Variants in GULP1 observed in about 807,000 individuals in gnomAD.
GULP1 encodes the protein GULP PTB domain containing engulfment adaptor 1.
GULP1 carries 19 observed loss-of-function variants against 40.9 expected under a neutral mutation model. The observed-to-expected ratio is 0.46, with a 90% confidence interval of 0.32 to 0.68. GULP1 has a LOEUF of 0.68. GULP1 is among the 30% of genes least tolerant of loss of function. The pLI is 0.03. For synonymous variants in GULP1, 119 were observed against 117.6 expected (o/e 1.01, Z -0.08); for missense variants, 312 against 362.2 (o/e 0.86, Z 1.12).
chr2:188,346,965 G>C (rs1050178461), intron 1 of GULP1, among the ~76,000 whole-genome samples: 4 of 142,150 alleles, frequency 2.8e-5, no homozygotes, highest in African/African-American at 1.0e-4. Context: ...GAAAGACTCC[G>C]TCTCAAAAAA....
intron 4 of GULP1, among the ~76,000 whole-genome samples, chr2:188,520,831 A>G (rs1247262708): frequency 6.6e-6 from 1 of 152,174 alleles, no homozygotes; most frequent in East Asian, 1.9e-4. Flanking sequence ...ACCAAGGAAC[A>G]TGTATTTTTA....
intron 1 of GULP1, among the ~76,000 whole-genome samples, chr2:188,358,522 A>G (rs559620709): frequency 1.3e-5 from 2 of 152,318 alleles, no homozygotes; most frequent in African/African-American, 4.8e-5. Flanking sequence ...GTTGGTAAAC[A>G]TTTGAGGTGA....
chr2:188,363,712 G>GCAAAAA (rs1471059015), intron 1 of GULP1, among the ~76,000 whole-genome samples: 43 of 152,252 alleles, frequency 2.8e-4, no homozygotes, highest in African/African-American at 9.9e-4. Context: ...TTTTGCCATT[G>GCAAAAA]TACATAAGAT....
At chr2:188,493,136 T>C (rs1359566124) in intron 4 of GULP1, among the ~76,000 whole-genome samples, 1 of 152,108 alleles carries the variant, frequency 6.6e-6, no homozygotes, top group Non-Finnish European at 1.5e-5. Flanking sequence ...TTTATAAATT[T>C]CAGTTTTCCT....
intron 2 of GULP1, among the ~76,000 whole-genome samples, chr2:188,470,828 CAT>C (rs1446770350): frequency 6.6e-6 from 1 of 152,122 alleles, no homozygotes; most frequent in African/African-American, 2.4e-5. Context: ...TGTGATCTAA[CAT>C]ATGATCTATC....
At chr2:188,399,714 A>AAACAAAC (rs1553540229) in intron 2 of GULP1, among the ~76,000 whole-genome samples, 2 of 131,078 alleles carry the variant, frequency 1.5e-5, no homozygotes, top group Non-Finnish European at 3.1e-5. Flanking sequence ...AAAAAAAAAA[A>AAACAAAC]CATCAAACTG....
Position 188,373,186 on chromosome 2 carries a change from G to C in GULP1, c.-171-10577G>C, listed in dbSNP as rs1048302323. Among the ~76,000 whole-genome samples the C allele has an allele frequency of 3.9e-5, 6 of 151,902 alleles. No homozygotes were observed. In the South Asian group the frequency reaches 6.2e-4, roughly 16 times the overall value. The stretch of plus-strand genomic sequence containing the variant: ...ACTAAGCTCTAACAGAGGAAACATG[G>C]AGAAGAACATTCTAGAGAGGAATCA... On this transcript the variant is annotated intron_variant, in intron 1 of 11. Transcript: ENST00000409830.
intron 9 of GULP1, among the ~76,000 whole-genome samples, chr2:188,575,833 T>G (rs1425725207): frequency 6.6e-6 from 1 of 152,172 alleles, no homozygotes; most frequent in Non-Finnish European, 1.5e-5. Context: ...ATATGCAGCA[T>G]GGACTCTAAA....
At chr2:188,342,169 C>G (rs1414746551) in intron 1 of GULP1, among the ~76,000 whole-genome samples, 1 of 152,146 alleles carries the variant, frequency 6.6e-6, no homozygotes, top group Non-Finnish European at 1.5e-5. Flanking sequence ...CTGAAAGCAG[C>G]AGACATTTAT....
At chr2:188,343,557 A>G (rs1305110834) in intron 1 of GULP1, among the ~76,000 whole-genome samples, 1 of 152,158 alleles carries the variant, frequency 6.6e-6, no homozygotes, top group Non-Finnish European at 1.5e-5. Flanking sequence ...TACTTAAACT[A>G]TTTTATTTTA....
rs1318577552 is a variant in GULP1 at position 188,364,764 on chromosome 2, T to C, written c.-171-18999T>C. 4.0e-5 allele frequency among the ~76,000 whole-genome samples: 6 copies of C among 149,516 alleles called. 1 individual carries two copies. In the Admixed American group the frequency reaches 4.0e-4, roughly 10 times the overall value. On this transcript the variant is annotated intron_variant, in intron 1 of 11. Transcript: ENST00000409830. The stretch of plus-strand genomic sequence containing the variant: ...TATATATATGATACATATACATATA[T>C]ACATATATACATGATATATATACAT...
At chr2:188,337,387 AC>A (rs2042415774) in intron 1 of GULP1, among the ~76,000 whole-genome samples, 1 of 149,896 alleles carries the variant, frequency 6.7e-6, no homozygotes, top group Non-Finnish European at 1.5e-5. Context: ...TGATCCACCC[AC>A]CTTGGCCTCC....
intron 1 of GULP1, among the ~76,000 whole-genome samples, chr2:188,301,349 A>G (rs563467363): frequency 6.6e-6 from 1 of 152,250 alleles, no homozygotes; most frequent in African/African-American, 2.4e-5. Flanking sequence ...TGACAATGAC[A>G]TTGGGTTAAA....
chr2:188,420,459 G>A (rs2055241148), intron 2 of GULP1, among the ~76,000 whole-genome samples: 1 of 152,054 alleles, frequency 6.6e-6, no homozygotes, highest in Non-Finnish European at 1.5e-5. Context: ...GTAGTTTGGT[G>A]GGCAGGAGTG....
chr2:188,487,884 G>A (rs973448990), intron 4 of GULP1, among the ~76,000 whole-genome samples: 2 of 151,934 alleles, frequency 1.3e-5, no homozygotes, highest in East Asian at 3.9e-4. Flanking sequence ...GGTTTCTAGT[G>A]TGGCTTTCTC....
chr2:188,359,631 A>G (rs35325130), intron 1 of GULP1, among the ~76,000 whole-genome samples: 18,809 of 152,128 alleles, frequency 0.12, 1,337 homozygotes, highest in Middle Eastern at 0.17. Context: ...AGGTGGCTTT[A>G]TAGTTAGTTG....
At chr2:188,547,556 C>G (rs576797057) in intron 7 of GULP1, among the ~76,000 whole-genome samples, 3 of 152,170 alleles carry the variant, frequency 2.0e-5, no homozygotes, top group Admixed American at 1.3e-4. Context: ...GCCAGTCTAG[C>G]CTTTTCATGT....
intron 7 of GULP1, among the ~76,000 whole-genome samples, chr2:188,567,321 C>T (rs1697962320): frequency 1.3e-5 from 2 of 152,124 alleles, no homozygotes; most frequent in African/African-American, 4.8e-5. Flanking sequence ...ACTATAAAGA[C>T]AAATGCACGC....
At chr2:188,453,727 C>T (rs773835568) in intron 2 of GULP1, among the ~76,000 whole-genome samples, 1 of 152,180 alleles carries the variant, frequency 6.6e-6, no homozygotes, top group Non-Finnish European at 1.5e-5. Context: ...ATTGCCCTTA[C>T]TCAACCTCAC....
Sources: allele counts gnomAD v4.1 joint callset (sites outside exome capture counted in the v4.1 genomes callset), GRCh38; gene constraint gnomAD v4.1.1; transcripts MANE v1.5; gene names NCBI Gene and HGNC (gene_info 2026-07-23, HGNC 2026-07-21).